The following SHANK2 variants were observed in gnomAD, a reference collection of about 807,000 sequenced individuals.
SHANK2 encodes the protein SH3 and multiple ankyrin repeat domains 2.
Under a neutral mutation model 133.7 loss-of-function variants are expected in SHANK2, and 43 were observed. The ratio of observed to expected loss-of-function variants is 0.32; its 90% CI spans 0.25 to 0.41. SHANK2 has a LOEUF of 0.41. Among genes scored for constraint, SHANK2 ranks in the 10% least tolerant of loss-of-function variants. SHANK2 has a pLI of 1.00. For synonymous variants in SHANK2, 1,017 were observed against 952.8 expected (o/e 1.07, Z -1.24); for missense variants, 1,994 against 2,235.8 (o/e 0.89, Z 2.18).
chr11:70,661,592 T>C lies in SHANK2; in HGVS notation c.1936+4A>G. On this transcript the variant is annotated splice_donor_region_variant and intron_variant, in intron 16 of 25. Transcript: ENST00000601538. ...ATATTCAGGCTCAGAGCGGCTGCTC[T>C]TACCTTTGGCCCCTCGAAGCACGAA... 6.2e-7 allele frequency: 1 copy of C among 1,612,416 alleles called. No individual in the cohort carries two copies. Among genetic ancestry groups the C allele is most frequent in the Non-Finnish European group, 8.5e-7 (1 of 1,179,496 alleles).
chr11:70,607,920 G>A (rs2060601379), intron 17 of SHANK2, among the ~76,000 whole-genome samples: 1 of 152,198 alleles, frequency 6.6e-6, no homozygotes, highest in South Asian at 2.1e-4. Flanking sequence ...TCTGGTTCCA[G>A]CTCCATCCTT....
chr11:70,551,780 C>G (rs1459436269), intron 17 of SHANK2, among the ~76,000 whole-genome samples: 1 of 152,260 alleles, frequency 6.6e-6, no homozygotes, highest in South Asian at 2.1e-4. Context: ...TGTCTCTGCT[C>G]GTCCACCTGG....
rs563763840 is a variant in SHANK2 at position 71,098,960 on chromosome 11, T to TG, written c.593-4273dup. 7.2e-5 allele frequency among the ~76,000 whole-genome samples: 11 copies of TG among 151,836 alleles called. No individual in the cohort carries two copies. In the East Asian group the frequency reaches 1.2e-3, roughly 16 times the overall value. ...GATGGACACGAGCTCAGCCAGGAGA[T>TG]GGGGGGGCAGCATCGCCCAAGATGA... On this transcript the variant is annotated intron_variant, in intron 6 of 25. Coordinates refer to ENST00000601538, the MANE Select transcript of SHANK2 (RefSeq NM_012309.5).
intron 11 of SHANK2, among the ~76,000 whole-genome samples, chr11:70,880,015 C>A (rs540988542): frequency 6.6e-6 from 1 of 152,206 alleles, no homozygotes; most frequent in Non-Finnish European, 1.5e-5. Context: ...GTGGCCCACT[C>A]AGTGGTAGAT....
At chr11:71,251,271 G>T (rs548440419) in intron 1 of SHANK2, among the ~76,000 whole-genome samples, 574 of 152,276 alleles carry the variant, frequency 3.8e-3, no homozygotes, top group Non-Finnish European at 6.5e-3. Context: ...CACCCACCTC[G>T]AGCAGGGTGT....
chr11:70,700,505 A>G (rs1170513545), intron 14 of SHANK2, among the ~76,000 whole-genome samples: 1 of 152,186 alleles, frequency 6.6e-6, no homozygotes, highest in Non-Finnish European at 1.5e-5. Context: ...CAGTATACAC[A>G]ATCAGATTGG....
At position 71,228,673 on chromosome 11, in the gene SHANK2, G is replaced by A. The variant is rs190879887; in HGVS notation, c.-112-3877C>T. On this transcript the variant is annotated intron_variant, in intron 1 of 25. Transcript: ENST00000601538. Reference sequence around the variant, plus strand: ...TTCGGGAGGCTGAGGCAGGAGAATCGTTTAAACCTAAGAGGCGGAGGTTGC... The same window carrying A: ...TTCGGGAGGCTGAGGCAGGAGAATCATTTAAACCTAAGAGGCGGAGGTTGC... Among the ~76,000 whole-genome samples the A allele has an allele frequency of 5.3e-4, 81 of 152,332 alleles. 1 individual carries two copies. Among genetic ancestry groups the A allele is most frequent in the East Asian group, 1.3e-3 (7 of 5,190 alleles).
rs75806853 is a variant in SHANK2 at position 71,169,994 on chromosome 11, C to T, written c.-12-22656G>A. Among the ~76,000 whole-genome samples, 1,303 of 151,378 alleles carry T rather than the reference C, an allele frequency of 8.6e-3. 11 individuals carry two copies. The highest frequency in any genetic ancestry group is 0.015 in the Non-Finnish European group (989 of 67,934). ...CTGTGAATATCCTTTCCAGCCTGGA[C>T]ATAATAGCAAGACCTCATCTTTTTT... On this transcript the variant is annotated intron_variant, in intron 2 of 25. Coordinates refer to ENST00000601538, the MANE Select transcript of SHANK2 (RefSeq NM_012309.5).
chr11:70,893,146 C>T (rs1555075036), intron 11 of SHANK2, among the ~76,000 whole-genome samples: 1 of 152,218 alleles, frequency 6.6e-6, no homozygotes, highest in African/African-American at 2.4e-5. Context: ...TGATGCTGTA[C>T]GTGAAGTGCT....
intron 2 of SHANK2, among the ~76,000 whole-genome samples, chr11:71,214,387 C>T (rs1286861434): frequency 6.6e-6 from 1 of 152,200 alleles, no homozygotes; most frequent in African/African-American, 2.4e-5. Context: ...CCAGGGCTCC[C>T]CAGGCCCTAG....
chr11:71,145,436 CG>C (rs1952625755), intron 3 of SHANK2, among the ~76,000 whole-genome samples: 1 of 152,218 alleles, frequency 6.6e-6, no homozygotes, highest in African/African-American at 2.4e-5. Flanking sequence ...TTGTCCTAGA[CG>C]GTGAAGCCAC....
chr11:71,194,652 CCTG>C (rs1252450293), intron 2 of SHANK2, among the ~76,000 whole-genome samples: 1 of 152,186 alleles, frequency 6.6e-6, no homozygotes, highest in African/African-American at 2.4e-5. Context: ...TCAGAGCCAA[CCTG>C]CAAGTAATTA....
intron 11 of SHANK2, among the ~76,000 whole-genome samples, chr11:70,848,392 G>A (rs1357202765): frequency 3.3e-5 from 5 of 152,296 alleles, no homozygotes; most frequent in South Asian, 2.1e-4. Flanking sequence ...ACCCGTTCCC[G>A]CCACTTCCCA....
chr11:70,763,063 C>G (rs1467994804), intron 14 of SHANK2, among the ~76,000 whole-genome samples: 2 of 152,208 alleles, frequency 1.3e-5, no homozygotes, highest in Admixed American at 6.5e-5. Flanking sequence ...TGCCAAGGAG[C>G]CTGATCTGAA....
intron 14 of SHANK2, among the ~76,000 whole-genome samples, chr11:70,714,169 C>T (rs939253692): frequency 6.6e-5 from 10 of 152,222 alleles, no homozygotes; most frequent in Non-Finnish European, 1.2e-4. Context: ...GCTTTTCAGC[C>T]CTTCCTTCTT....
At chr11:70,761,925 G>GCTA (rs1355727031) in intron 14 of SHANK2, among the ~76,000 whole-genome samples, 1 of 152,132 alleles carries the variant, frequency 6.6e-6, no homozygotes, top group African/African-American at 2.4e-5. Flanking sequence ...CCCGGCTGCT[G>GCTA]CTGCTGCTGC....
chr11:70,853,645 T>G (rs1949125467), intron 11 of SHANK2, among the ~76,000 whole-genome samples: 1 of 151,982 alleles, frequency 6.6e-6, no homozygotes, highest in Admixed American at 6.5e-5. Context: ...GGAGACAGAG[T>G]GAAAATACAG....
chr11:71,088,555 T>G (rs1951450030), intron 8 of SHANK2, among the ~76,000 whole-genome samples: 1 of 126 alleles, frequency 7.9e-3, no homozygotes, highest in Non-Finnish European at 0.019. Flanking sequence ...CTCAGCCTTG[T>G]CCCCTGGGGG....
intron 15 of SHANK2, among the ~76,000 whole-genome samples, chr11:70,698,418 T>C (rs1263707942): frequency 6.6e-6 from 1 of 152,232 alleles, no homozygotes; most frequent in Non-Finnish European, 1.5e-5. Flanking sequence ...GACATTTGCA[T>C]GCTTTCGCAA....
Sources: gnomAD v4.1 joint callset for allele counts (sites outside exome capture counted in the v4.1 genomes callset) on GRCh38, gnomAD v4.1.1 for gene constraint, MANE v1.5 for transcripts, NCBI Gene and HGNC (gene_info 2026-07-23, HGNC 2026-07-21) for gene names.